ZNF704: variants seen among roughly 807,000 people sequenced by gnomAD.
The protein encoded by ZNF704 is glucocorticoid induced gene 1.
In ZNF704, 10 loss-of-function variants were observed where a neutral mutation model predicts 44.7. The observed-to-expected ratio is 0.22, with a 90% CI of 0.14 to 0.38. ZNF704 has a LOEUF of 0.38. ZNF704 is among the 10% of genes least tolerant of loss of function. ZNF704 has a pLI of 1.00. For synonymous variants in ZNF704, 211 were observed against 207.6 expected (o/e 1.02, Z -0.14); for missense variants, 390 against 545.5 (o/e 0.71, Z 2.84).
chr8:80,779,737 T>C (rs1807478926), intron 2 of ZNF704, among the ~76,000 whole-genome samples: 1 of 151,902 alleles, frequency 6.6e-6, no homozygotes, highest in Admixed American at 6.6e-5. Context: ...ATTTTAAAAT[T>C]ATATTTTCTT....
intron 1 of ZNF704, among the ~76,000 whole-genome samples, chr8:80,826,170 T>C (rs562062671): frequency 6.6e-6 from 1 of 152,196 alleles, no homozygotes; most frequent in Non-Finnish European, 1.5e-5. Context: ...ACAAAATTGA[T>C]AGACCACTAG....
intron 1 of ZNF704, among the ~76,000 whole-genome samples, chr8:80,862,426 T>G (rs1049863762): frequency 6.6e-6 from 1 of 151,740 alleles, no homozygotes; most frequent in Non-Finnish European, 1.5e-5. Flanking sequence ...TGAATGGAGA[T>G]CTCTTTTAGA....
chr8:80,682,324 A>G (rs945297130), intron 4 of ZNF704, among the ~76,000 whole-genome samples: 9 of 152,240 alleles, frequency 5.9e-5, no homozygotes, highest in Non-Finnish European at 1.3e-4. Context: ...ACCTTATGTT[A>G]ACTCAGTGCT....
chr8:80,821,792 A>G (rs567542982), intron 1 of ZNF704, among the ~76,000 whole-genome samples, 177 bp from the exon 2 acceptor site: 1 of 152,364 alleles, frequency 6.6e-6, no homozygotes, highest in African/African-American at 2.4e-5. Context: ...AATAATATAC[A>G]ATCAATGCAT....
intron 2 of ZNF704, among the ~76,000 whole-genome samples, chr8:80,803,008 T>C (rs1056677203): frequency 6.6e-6 from 1 of 151,910 alleles, no homozygotes; most frequent in Non-Finnish European, 1.5e-5. Flanking sequence ...TAAAAAAAAA[T>C]CAACGTGCAA....
intron 1 of ZNF704, among the ~76,000 whole-genome samples, chr8:80,849,345 A>G (rs1473338390): frequency 6.6e-6 from 1 of 152,192 alleles, no homozygotes; most frequent in Non-Finnish European, 1.5e-5. Context: ...AGGGAAATGG[A>G]TGGCTAATGA....
chr8:80,804,961 A>G (rs913211147), intron 2 of ZNF704, among the ~76,000 whole-genome samples: 1 of 152,132 alleles, frequency 6.6e-6, no homozygotes, highest in Non-Finnish European at 1.5e-5. Flanking sequence ...TTTTCTATTA[A>G]TTCCTTATTT....
chr8:80,824,718 T>C (rs923453040), intron 1 of ZNF704, among the ~76,000 whole-genome samples: 3 of 152,136 alleles, frequency 2.0e-5, no homozygotes, highest in Non-Finnish European at 2.9e-5. Flanking sequence ...AGACTAACAG[T>C]GTATCTCTCG....
intron 2 of ZNF704, among the ~76,000 whole-genome samples, chr8:80,796,234 T>C (rs540039604): frequency 4.6e-5 from 7 of 152,326 alleles, no homozygotes. Flanking sequence ...GTGGGAACTC[T>C]CTGCAGAGTC....
intron 2 of ZNF704, among the ~76,000 whole-genome samples, chr8:80,773,827 T>C (rs913414031): frequency 6.6e-6 from 1 of 152,190 alleles, no homozygotes; most frequent in Admixed American, 6.5e-5. Flanking sequence ...GTTTCAACCA[T>C]GTTCCTAATT....
At chr8:80,663,202 A>T (rs1182153127) in intron 6 of ZNF704, among the ~76,000 whole-genome samples, 1 of 151,986 alleles carries the variant, frequency 6.6e-6, no homozygotes, top group Non-Finnish European at 1.5e-5. Context: ...CAATGTAGTG[A>T]GAGCTCGTCT....
At chr8:80,791,451 C>T (rs1040792085) in intron 2 of ZNF704, among the ~76,000 whole-genome samples, 1 of 152,134 alleles carries the variant, frequency 6.6e-6, no homozygotes, top group Non-Finnish European at 1.5e-5. Flanking sequence ...AGTGGGCAGT[C>T]CCAGGTGCAG....
At chr8:80,807,238 G>A (rs1320917594) in intron 2 of ZNF704, among the ~76,000 whole-genome samples, 1 of 152,084 alleles carries the variant, frequency 6.6e-6, no homozygotes, top group Non-Finnish European at 1.5e-5. Flanking sequence ...GTTCCTTACT[G>A]GTCTCTTGCT....
At chr8:80,661,741 G>T (rs974838819) in intron 6 of ZNF704, among the ~76,000 whole-genome samples, 7 of 152,110 alleles carry the variant, frequency 4.6e-5, no homozygotes, top group Non-Finnish European at 1.0e-4. Context: ...TACAATAATT[G>T]ATGTCATGGA....
At chr8:80,705,278 T>G (rs753141369) in intron 2 of ZNF704, among the ~76,000 whole-genome samples, 6 of 152,144 alleles carry the variant, frequency 3.9e-5, no homozygotes, top group Non-Finnish European at 8.8e-5. Context: ...GTGTGTTTTG[T>G]GTGTCTCTGT....
chr8:80,808,052 C>G (rs1278602844), intron 2 of ZNF704, among the ~76,000 whole-genome samples: 1 of 152,186 alleles, frequency 6.6e-6, no homozygotes, highest in African/African-American at 2.4e-5. Flanking sequence ...AAGGCTAGTT[C>G]CTGTGTGTCA....
chr8:80,829,564 A>C (rs1374561335), intron 1 of ZNF704, among the ~76,000 whole-genome samples: 1 of 152,222 alleles, frequency 6.6e-6, no homozygotes, highest in Non-Finnish European at 1.5e-5. Flanking sequence ...GTTTAAAGGA[A>C]GGAAACAACA....
chr8:80,693,077 C>T lies in ZNF704; in HGVS notation c.252G>A (p.Lys84=), dbSNP rs745945250. The change falls in exon 3 of 9, where the codon AAG becomes AAA. Residue 84 remains lysine, a synonymous_variant. Transcript: ENST00000327835. ...TGGTTAGTACCATTGCTGCTGTCAC[C>T]TTGTCCATGTCTAGTTCCTCTGAAG... is the stretch of plus-strand genomic sequence containing the variant. ...RKSSEELDMD[K]VTAAMVLTSL... The T allele has an allele frequency of 1.2e-6, 2 of 1,614,078 alleles. No individual in the cohort carries two copies. Among genetic ancestry groups the T allele is most frequent in the African/African-American group, 2.7e-5 (2 of 74,926 alleles).
intron 2 of ZNF704, among the ~76,000 whole-genome samples, chr8:80,742,318 G>A (rs974462058): frequency 6.6e-6 from 1 of 152,150 alleles, no homozygotes. Flanking sequence ...GGAACCTCAC[G>A]AGGACATAGT....
Sources: gnomAD v4.1 joint callset for allele counts (sites outside exome capture counted in the v4.1 genomes callset) on GRCh38, gnomAD v4.1.1 for gene constraint, MANE v1.5 for transcripts, NCBI Gene and HGNC (gene_info 2026-07-23, HGNC 2026-07-21) for gene names.